The following EPHA4 variants were observed in gnomAD, a reference collection of about 807,000 sequenced individuals.
The protein encoded by EPHA4 is EPH receptor A4.
EPHA4 carries 19 observed loss-of-function variants against 108.3 expected under a neutral mutation model. The observed-to-expected ratio is 0.18, with a 90% CI of 0.12 to 0.26. EPHA4 has a LOEUF of 0.26. EPHA4 is among the 10% of genes least tolerant of loss of function. The pLI is 1.00. For synonymous variants in EPHA4, 449 were observed against 455.5 expected (o/e 0.99, Z 0.18); for missense variants, 917 against 1,254.0 (o/e 0.73, Z 4.06).
chr2:221,551,498 C>G (rs1694160240), intron 3 of EPHA4, among the ~76,000 whole-genome samples: 1 of 152,042 alleles, frequency 6.6e-6, no homozygotes, highest in South Asian at 2.1e-4. Flanking sequence ...TTTTATGGTT[C>G]TCTAGAAGAA....
intron 3 of EPHA4, among the ~76,000 whole-genome samples, chr2:221,540,073 C>T (rs1007566386): frequency 2.0e-5 from 3 of 152,120 alleles, no homozygotes; most frequent in African/African-American, 4.8e-5. Flanking sequence ...GTGTGTGCCA[C>T]CATGCCCAGC....
intron 4 of EPHA4, among the ~76,000 whole-genome samples, chr2:221,485,406 T>C (rs1474707240): frequency 2.0e-5 from 3 of 152,198 alleles, no homozygotes; most frequent in African/African-American, 7.2e-5. Flanking sequence ...GGTTGGATGC[T>C]CAAGACTGAG....
chr2:221,459,135 C>A (rs1322496687), intron 5 of EPHA4, among the ~76,000 whole-genome samples: 3 of 152,106 alleles, frequency 2.0e-5, no homozygotes, highest in Non-Finnish European at 4.4e-5. Context: ...ACCTGCTTGA[C>A]CATGTCTGAC....
intron 4 of EPHA4, among the ~76,000 whole-genome samples, chr2:221,498,845 C>G (rs1692386942): frequency 6.9e-6 from 1 of 145,536 alleles, no homozygotes; most frequent in African/African-American, 2.6e-5. Flanking sequence ...AGGGTGGAGT[C>G]CAGTGGTGCA....
chr2:221,561,505 C>T (rs541125157), intron 3 of EPHA4, among the ~76,000 whole-genome samples: 1 of 152,106 alleles, frequency 6.6e-6, no homozygotes, highest in Non-Finnish European at 1.5e-5. Context: ...TTCTCAAAAA[C>T]GACTCAATCC....
At chr2:221,422,496 A>G (rs895692198) in intron 17 of EPHA4, among the ~76,000 whole-genome samples, 1 of 152,208 alleles carries the variant, frequency 6.6e-6, no homozygotes, top group Non-Finnish European at 1.5e-5. Flanking sequence ...TTACATAAAT[A>G]TATTTGTAAT....
chr2:221,478,500 C>A (rs1387041908), intron 5 of EPHA4, among the ~76,000 whole-genome samples: 1 of 152,162 alleles, frequency 6.6e-6, no homozygotes, highest in Non-Finnish European at 1.5e-5. Flanking sequence ...CTCCTTTTGG[C>A]CTGTAATGTA....
chr2:221,547,496 T>A (rs1694031196), intron 3 of EPHA4, among the ~76,000 whole-genome samples: 2 of 152,162 alleles, frequency 1.3e-5, no homozygotes, highest in African/African-American at 4.8e-5. Flanking sequence ...AGAGTCAAAA[T>A]AAAAATAATT....
At chr2:221,454,293 A>G (rs952681113) in intron 8 of EPHA4, among the ~76,000 whole-genome samples, 9 of 152,106 alleles carry the variant, frequency 5.9e-5, no homozygotes, top group African/African-American at 2.2e-4. Flanking sequence ...AAGTAAAAGC[A>G]TAGTGGCTTG....
Position 221,520,216 on chromosome 2 carries a change from T to C in EPHA4, c.824-19044A>G, listed in dbSNP as rs1693118000. 2.0e-5 allele frequency among the ~76,000 whole-genome samples: 3 copies of C among 152,120 alleles called. No homozygotes were observed. In the South Asian group the frequency reaches 6.2e-4, roughly 32 times the overall value. On this transcript the variant is annotated intron_variant, in intron 3 of 17. Transcript: ENST00000281821. ...GCCCCAATTTGTCCCTCAAACATCC[T>C]GCACTTCAATCAAACCAGACAGAGT...
rs561245875 is a variant in EPHA4 at position 221,440,292 on chromosome 2, C to T, written c.2074+2537G>A. 5.9e-5 allele frequency among the ~76,000 whole-genome samples: 9 copies of T among 152,266 alleles called. No individual in the cohort carries two copies. The East Asian group carries it at 9.7e-4, about 16-fold the overall frequency. On this transcript the variant is annotated intron_variant, in intron 11 of 17. Transcript: ENST00000281821. ...GTAATAGCTACGTGTTTTAGAGGCG[C>T]GGTGGGACTTTAATACAAAGATCCC...
At chr2:221,542,600 C>T (rs1693869046) in intron 3 of EPHA4, among the ~76,000 whole-genome samples, 1 of 152,140 alleles carries the variant, frequency 6.6e-6, no homozygotes, top group Non-Finnish European at 1.5e-5. Context: ...AGTGTCCAAG[C>T]CATTATATAA....
chr2:221,431,130 T>G (rs1288902292), intron 14 of EPHA4, among the ~76,000 whole-genome samples: 1 of 152,262 alleles, frequency 6.6e-6, no homozygotes, highest in Non-Finnish European at 1.5e-5. Flanking sequence ...GGAGAACTAC[T>G]TCACAGTTTT....
At chr2:221,502,517 G>T in intron 3 of EPHA4, 1 of 471,190 alleles carries the variant, frequency 2.1e-6, no homozygotes. Flanking sequence ...CAGCAACGCA[G>T]CAGATCTTAC....
chr2:221,458,702 G>T (rs1691040381), intron 5 of EPHA4, among the ~76,000 whole-genome samples: 1 of 152,128 alleles, frequency 6.6e-6, no homozygotes, highest in Admixed American at 6.5e-5. Context: ...TGTGTTATGG[G>T]GGTGGAAGGA....
intron 2 of EPHA4, among the ~76,000 whole-genome samples, chr2:221,567,410 A>G (rs1694700563): frequency 6.6e-6 from 1 of 152,166 alleles, no homozygotes. Flanking sequence ...CTTCACATTC[A>G]AAGGATGAGG....
chr2:221,539,536 T>C (rs1453794613), intron 3 of EPHA4, among the ~76,000 whole-genome samples: 8 of 151,956 alleles, frequency 5.3e-5, no homozygotes, highest in Admixed American at 5.2e-4. Context: ...TGGGGCAGGG[T>C]AAATTGTGTA....
intron 4 of EPHA4, among the ~76,000 whole-genome samples, chr2:221,488,493 C>T (rs920640388): frequency 1.3e-5 from 2 of 152,116 alleles, no homozygotes; most frequent in African/African-American, 4.8e-5. Flanking sequence ...AATTTCTTGC[C>T]ATTATAGATA....
chr2:221,546,836 T>C (rs1166680174), intron 3 of EPHA4, among the ~76,000 whole-genome samples: 1 of 152,240 alleles, frequency 6.6e-6, no homozygotes, highest in Non-Finnish European at 1.5e-5. Flanking sequence ...TGTGAAATAC[T>C]TGTATATAGA....
Sources: allele counts gnomAD v4.1 joint callset (sites outside exome capture counted in the v4.1 genomes callset), GRCh38; gene constraint gnomAD v4.1.1; transcripts MANE v1.5; gene names NCBI Gene and HGNC (gene_info 2026-07-23, HGNC 2026-07-21).